RD3: variants seen among roughly 807,000 people sequenced by gnomAD.
RD3 encodes RD3 regulator of GUCY2D, also known as protein RD3.
Under a neutral mutation model 16.9 loss-of-function variants are expected in RD3, and 11 were observed. That is an observed-to-expected ratio of 0.65 (90% CI 0.41 to 1.08). RD3 has a LOEUF of 1.08. RD3 is among the 50% of genes least tolerant of loss of function. RD3 has a pLI of 0.00. For missense variants in RD3, 274 were observed against 267.4 expected (o/e 1.02, Z -0.17); for synonymous variants, 116 against 114.8 (o/e 1.01, Z -0.07).
intron 2 of RD3, among the ~76,000 whole-genome samples, chr1:211,479,971 A>G (rs1705228796): frequency 1.3e-5 from 2 of 152,152 alleles, no homozygotes; most frequent in South Asian, 4.1e-4. Flanking sequence ...AAGTCTATTT[A>G]ATACCAGGTT....
chr1:211,481,546 C>T, intron 1 of RD3, 120 bp from the exon 2 acceptor site: 1 of 874,746 alleles, frequency 1.1e-6, no homozygotes. Flanking sequence ...CCTGCTCTGC[C>T]CTAACAGTTG....
intron 1 of RD3, among the ~76,000 whole-genome samples, chr1:211,484,303 C>T (rs1273261051): frequency 1.3e-5 from 2 of 152,154 alleles, no homozygotes; most frequent in Non-Finnish European, 2.9e-5. Context: ...AACAAAGGAA[C>T]GAATAAATGA....
chr1:211,484,803 A>C (rs960582899), intron 1 of RD3, among the ~76,000 whole-genome samples: 3 of 152,064 alleles, frequency 2.0e-5, no homozygotes, highest in African/African-American at 7.2e-5. Flanking sequence ...GGGCCTTGCA[A>C]ACACGTGTGG....
At chr1:211,484,432 G>T (rs767142119) in intron 1 of RD3, among the ~76,000 whole-genome samples, 9 of 152,040 alleles carry the variant, frequency 5.9e-5, no homozygotes, top group African/African-American at 9.7e-5. Context: ...TCTTAATCTG[G>T]GTTTGAATTT....
intron 1 of RD3, among the ~76,000 whole-genome samples, chr1:211,486,709 C>T (rs1247097953): frequency 6.6e-6 from 1 of 151,506 alleles, no homozygotes; most frequent in South Asian, 2.1e-4. Flanking sequence ...ATTAGCCAGG[C>T]ATGCATGCCT....
At chr1:211,482,344 A>G (rs1425658806) in intron 1 of RD3, among the ~76,000 whole-genome samples, 2 of 152,014 alleles carry the variant, frequency 1.3e-5, no homozygotes, top group African/African-American at 4.8e-5. Flanking sequence ...CGAAAGGATG[A>G]TGCCAGGATC....
At position 211,478,916 on chromosome 1, in the gene RD3, C is replaced by G; in HGVS notation, c.*120G>C. Reference sequence around the variant, plus strand: ...TTTATAGCAGCGTCTTGGGATGGGGCCGCCTCTTGGGTCTCCTCGTCAGGC... The same window carrying G: ...TTTATAGCAGCGTCTTGGGATGGGGGCGCCTCTTGGGTCTCCTCGTCAGGC... On this transcript the variant is annotated 3_prime_UTR_variant, in exon 3 of 3. Transcript: ENST00000680073. 2 of 818,216 alleles carry G rather than the reference C, an allele frequency of 2.4e-6. No individual in the cohort carries two copies. Among genetic ancestry groups the G allele is most frequent in the Non-Finnish European group, 1.8e-6 (1 of 557,734 alleles). The allele number at this position is 818,216 out of a possible 1,614,324, so 50.7% of individuals were successfully genotyped here.
chr1:211,485,844 G>A (rs1705362398), intron 1 of RD3, among the ~76,000 whole-genome samples: 1 of 152,134 alleles, frequency 6.6e-6, no homozygotes, highest in Admixed American at 6.5e-5. Context: ...CATGAACACT[G>A]ATTGAATCCT....
chr1:211,485,686 C>A (rs1572144340), intron 1 of RD3, among the ~76,000 whole-genome samples: 1 of 152,104 alleles, frequency 6.6e-6, no homozygotes, highest in African/African-American at 2.4e-5. Context: ...GATTCACCAC[C>A]GTGGCAGAGC....
At position 211,478,531 on chromosome 1, in the gene RD3, C is replaced by T. The variant is rs544698797; in HGVS notation, c.*505G>A. Reference sequence around the variant, plus strand: ...TCTCTCTGGTCCCTTCCAGCTGTGCCTGCCTATGAGGCTGTGTGTGACCCA... The same window carrying T: ...TCTCTCTGGTCCCTTCCAGCTGTGCTTGCCTATGAGGCTGTGTGTGACCCA... On this transcript the variant is annotated 3_prime_UTR_variant, in exon 3 of 3. Coordinates refer to ENST00000680073, the MANE Select transcript of RD3 (RefSeq NM_001164688.2). 4.4e-6 allele frequency: 1 copy of T among 228,822 alleles called. No individual in the cohort carries two copies. The highest frequency in any genetic ancestry group is 2.3e-5 in the African/African-American group (1 of 44,412). 14.2% of individuals were successfully genotyped at this position (228,822 alleles called of 1,614,324 possible). A position where few individuals can be genotyped will look rare whatever the true frequency, so the allele number is the denominator to read the frequency against.
At chr1:211,485,630 A>G (rs1056121902) in intron 1 of RD3, among the ~76,000 whole-genome samples, 3 of 151,926 alleles carry the variant, frequency 2.0e-5, no homozygotes, top group African/African-American at 7.3e-5. Flanking sequence ...AGAAAGAGTG[A>G]CCTTTGGTGA....
In RD3 at chr1:211,478,514, G is replaced by A. The variant is rs1351226044; in HGVS notation, c.*522C>T. On this transcript the variant is annotated 3_prime_UTR_variant, in exon 3 of 3. Coordinates refer to ENST00000680073, the MANE Select transcript of RD3 (RefSeq NM_001164688.2). ...GAGAGTGGATCTAAATGTCTCTCTG[G>A]TCCCTTCCAGCTGTGCCTGCCTATG... 3 of 242,266 alleles carry A rather than the reference G, an allele frequency of 1.2e-5. No individual in the cohort carries two copies. The highest frequency in any genetic ancestry group is 2.3e-5 in the Non-Finnish European group (3 of 127,990). The allele number at this position is 242,266 out of a possible 1,614,324, so 15.0% of individuals were successfully genotyped here. A position where few individuals can be genotyped will look rare whatever the true frequency, so the allele number is the denominator to read the frequency against.
At chr1:211,487,154 T>G (rs1247577589) in intron 1 of RD3, among the ~76,000 whole-genome samples, 1 of 152,128 alleles carries the variant, frequency 6.6e-6, no homozygotes, top group Non-Finnish European at 1.5e-5. Context: ...GAACAATGGT[T>G]TTTTTCTTCC....
At position 211,481,141 on chromosome 1, in the gene RD3, T is replaced by A; in HGVS notation, c.275A>T (p.Tyr92Phe). 6.2e-7 allele frequency: 1 copy of A among 1,614,176 alleles called. No individual in the cohort carries two copies. Among genetic ancestry groups the A allele is most frequent in the Non-Finnish European group, 8.5e-7 (1 of 1,180,028 alleles). Reference protein sequence around the residue: ...EDVCVKIHPSYCGPAILRFRQ... With the variant: ...EDVCVKIHPSFCGPAILRFRQ... ...TCACCTGAGGATAGCAGGCCCACAA[T>A]AGGATGGGTGGATCTTAACGCAGAC... The change falls in exon 2 of 3, where the codon TAT (tyrosine) becomes TTT (phenylalanine). Residue 92 changes from tyrosine (Y) to phenylalanine (F), a missense_variant. Transcript: ENST00000680073.
intron 1 of RD3, among the ~76,000 whole-genome samples, chr1:211,489,087 C>G (rs1443789597): frequency 6.6e-6 from 1 of 152,164 alleles, no homozygotes; most frequent in Non-Finnish European, 1.5e-5. Flanking sequence ...CTCAGTTTCC[C>G]CAATCTATAA....
In RD3 at chr1:211,482,335, G is replaced by A. The variant is rs544223057; in HGVS notation, c.-11-909C>T. 3.7e-4 allele frequency among the ~76,000 whole-genome samples: 56 copies of A among 152,042 alleles called. 2 individuals are homozygous for A. Among genetic ancestry groups the A allele is most frequent in the African/African-American group, 1.3e-3 (52 of 41,308 alleles). On this transcript the variant is annotated intron_variant, in intron 1 of 2. Coordinates refer to ENST00000680073, the MANE Select transcript of RD3 (RefSeq NM_001164688.2). Reference sequence around the variant, plus strand: ...CACATCTGTGGAGGGACATAAACACGAAAGGATGATGCCAGGATCCTGCTC... The same window carrying A: ...CACATCTGTGGAGGGACATAAACACAAAAGGATGATGCCAGGATCCTGCTC...
At chr1:211,489,273 GA>G (rs1705435690) in intron 1 of RD3, among the ~76,000 whole-genome samples, 1 of 152,172 alleles carries the variant, frequency 6.6e-6, no homozygotes, top group Non-Finnish European at 1.5e-5. Flanking sequence ...AGGGATTTAT[GA>G]ACTTGGGTGG....
intron 1 of RD3, among the ~76,000 whole-genome samples, chr1:211,484,216 C>G (rs1198294873): frequency 6.6e-6 from 1 of 152,202 alleles, no homozygotes; most frequent in Non-Finnish European, 1.5e-5. Flanking sequence ...GCCTTATTCA[C>G]CTTTCCATCC....
intron 1 of RD3, among the ~76,000 whole-genome samples, chr1:211,487,152 GT>G (rs369851598): frequency 6.6e-6 from 1 of 152,076 alleles, no homozygotes; most frequent in African/African-American, 2.4e-5. Context: ...GGGAACAATG[GT>G]TTTTTTCTTC....
Sources: allele counts gnomAD v4.1 joint callset (sites outside exome capture counted in the v4.1 genomes callset), GRCh38; gene constraint gnomAD v4.1.1; transcripts MANE v1.5; gene names NCBI Gene and HGNC (gene_info 2026-07-23, HGNC 2026-07-21).